FANK1: variants seen among roughly 807,000 people sequenced by gnomAD.
FANK1 encodes the protein fibronectin type III and ankyrin repeat domains 1.
A neutral mutation model predicts 45.3 loss-of-function variants in FANK1; 44 were observed. That is an observed-to-expected ratio of 0.97 (90% CI 0.76 to 1.25). The LOEUF (loss-of-function observed/expected upper bound fraction) is 1.25. Among genes scored for constraint, FANK1 ranks in the 50% most tolerant of loss-of-function variants. FANK1 has a pLI of 0.00. For missense variants in FANK1, 391 were observed against 424.4 expected, an observed-to-expected ratio of 0.92 and a Z score of 0.69; for synonymous variants, 149 against 152.5, an observed-to-expected ratio of 0.98 and a Z score of 0.17.
At chr10:125,916,908 G>A (rs1052772949) in intron 1 of FANK1, among the ~76,000 whole-genome samples, 1 of 152,184 alleles carries the variant, frequency 6.6e-6, no homozygotes, top group African/African-American at 2.4e-5. Flanking sequence ...TGTCCCTGGA[G>A]GAAGGAACAT....
At position 125,995,447 on chromosome 10, in the gene FANK1, G is replaced by A. The variant is rs202054807; in HGVS notation, c.347G>A (p.Arg116Gln). The part of the protein sequence containing the change: ...REPISSEHLH[R>Q]AVSVNDEDLL... ...CCCATAAGTAGTGAGCACTTGCACC[G>A]GGCTGTCAGTGTGAATGATGAAGAT... The change falls in exon 4 of 11, where the codon CGG becomes CAG. Residue 116 changes from arginine (R) to glutamine (Q), a missense_variant. Coordinates refer to ENST00000368693, the MANE Select transcript of FANK1 (RefSeq NM_145235.5). 184 of 1,614,156 alleles carry A rather than the reference G, an allele frequency of 1.1e-4. No homozygotes were observed. Among genetic ancestry groups the A allele is most frequent in the East Asian group, 1.8e-4 (8 of 44,880 alleles).
chr10:125,960,227 A>C, intron 1 of FANK1: 1 of 289,844 alleles, frequency 3.5e-6, no homozygotes, highest in South Asian at 3.6e-5. Flanking sequence ...TCTGGACTCC[A>C]GGAGGGGGGT....
intron 1 of FANK1, among the ~76,000 whole-genome samples, chr10:125,923,295 CAAA>C (rs138311285): frequency 6.8e-6 from 1 of 146,740 alleles, no homozygotes; most frequent in Non-Finnish European, 1.5e-5. Flanking sequence ...TCCATCTCTG[CAAA>C]AAAAAAATAA....
At chr10:125,947,411 G>A (rs1948885954) in intron 1 of FANK1, among the ~76,000 whole-genome samples, 1 of 149,690 alleles carries the variant, frequency 6.7e-6, no homozygotes, top group African/African-American at 2.5e-5. Context: ...ATAAAAGGAT[G>A]GAGGAAGATC....
At chr10:125,969,148 T>C (rs1950342277) in intron 1 of FANK1, among the ~76,000 whole-genome samples, 1 of 152,166 alleles carries the variant, frequency 6.6e-6, no homozygotes. Flanking sequence ...ATATTTGTCA[T>C]GATGAAAAGA....
rs76382138 is a variant in FANK1 at position 125,953,763 on chromosome 10, G to T, written c.14-26398G>T. 1.8e-4 allele frequency among the ~76,000 whole-genome samples: 27 copies of T among 152,234 alleles called. No homozygotes were observed. The East Asian group carries it at 5.0e-3, about 28-fold the overall frequency. Reference sequence around the variant, plus strand: ...CAGATGCTGAAGTCAGACAGAGTTGGGTTCAGGTCCTGGCCCTGCCCCTCC... The same window carrying T: ...CAGATGCTGAAGTCAGACAGAGTTGTGTTCAGGTCCTGGCCCTGCCCCTCC... On this transcript the variant is annotated intron_variant, in intron 1 of 10. Transcript: ENST00000368693.
Position 125,997,408 on chromosome 10 carries a change from T to C in FANK1, c.474-12T>C. 1 of 1,612,842 alleles carries C rather than the reference T, an allele frequency of 6.2e-7. No homozygotes were observed. Among genetic ancestry groups the C allele is most frequent in the Non-Finnish European group, 8.5e-7 (1 of 1,179,356 alleles). ...TGACTTATCTAGCTACACTTAAGTTTGTTTCCTTTAGGCTTGTGAAAATCC... is the reference window on the plus strand; with the variant it reads ...TGACTTATCTAGCTACACTTAAGTTCGTTTCCTTTAGGCTTGTGAAAATCC... On this transcript the variant is annotated splice_polypyrimidine_tract_variant and intron_variant, in intron 5 of 10. Coordinates refer to ENST00000368693, the MANE Select transcript of FANK1 (RefSeq NM_145235.5).
At chr10:126,006,045 G>T (rs1953171120) in intron 7 of FANK1, among the ~76,000 whole-genome samples, 1 of 152,212 alleles carries the variant, frequency 6.6e-6, no homozygotes, top group Non-Finnish European at 1.5e-5. Context: ...TTTATTTCAA[G>T]ACTTTGAAGA....
At chr10:125,995,303 A>G in intron 3 of FANK1, 114 bp from the exon 4 acceptor site, 1 of 891,414 alleles carries the variant, frequency 1.1e-6, no homozygotes, top group Non-Finnish European at 1.8e-6. Context: ...ACTTAACAGG[A>G]ATAGCCAAGC....
At chr10:125,987,512 A>AG (rs2134209232) in intron 2 of FANK1, among the ~76,000 whole-genome samples, 1 of 141,100 alleles carries the variant, frequency 7.1e-6, no homozygotes, top group Non-Finnish European at 1.5e-5. Flanking sequence ...GCAGGAAAGA[A>AG]GAAAGAGCTG....
At chr10:125,938,787 A>T (rs1948265335) in intron 1 of FANK1, among the ~76,000 whole-genome samples, 2 of 152,092 alleles carry the variant, frequency 1.3e-5, no homozygotes, top group South Asian at 4.2e-4. Context: ...CCAGTCTGGG[A>T]GACAGTGACA....
At chr10:125,999,264 A>T (rs1337042167) in intron 6 of FANK1, among the ~76,000 whole-genome samples, 1 of 142,766 alleles carries the variant, frequency 7.0e-6, no homozygotes, top group Non-Finnish European at 1.5e-5. Context: ...CAGTGGCGCG[A>T]TCTCAGCCCA....
chr10:125,948,889 A>T (rs1405743356), intron 1 of FANK1, among the ~76,000 whole-genome samples: 1 of 148,456 alleles, frequency 6.7e-6, no homozygotes, highest in East Asian at 2.0e-4. Context: ...GGCAAAACGA[A>T]TCCAGCAGCA....
chr10:125,934,301 GT>G (rs1947933678), intron 1 of FANK1, among the ~76,000 whole-genome samples: 1 of 152,128 alleles, frequency 6.6e-6, no homozygotes, highest in South Asian at 2.1e-4. Context: ...GATAGTTTGC[GT>G]TTTATTACTT....
intron 1 of FANK1, among the ~76,000 whole-genome samples, chr10:125,953,589 C>A (rs1015740751): frequency 3.9e-5 from 6 of 152,176 alleles, no homozygotes; most frequent in African/African-American, 1.4e-4. Flanking sequence ...CTGGGCCCTA[C>A]AAAGTGAGCA....
intron 1 of FANK1, among the ~76,000 whole-genome samples, chr10:125,898,139 A>G (rs1481959459): frequency 6.6e-6 from 1 of 151,484 alleles, no homozygotes; most frequent in African/African-American, 2.4e-5. Context: ...GTGAGGCCAG[A>G]TTGCACCGCT....
intron 1 of FANK1, among the ~76,000 whole-genome samples, chr10:125,970,851 C>T (rs143578646): frequency 1.3e-5 from 2 of 151,932 alleles, no homozygotes; most frequent in South Asian, 2.1e-4. Flanking sequence ...AAGCAGGAGA[C>T]GGGAGAGGGA....
chr10:125,945,470 G>C (rs868183272), intron 1 of FANK1, among the ~76,000 whole-genome samples: 12 of 152,192 alleles, frequency 7.9e-5, no homozygotes, highest in Non-Finnish European at 1.8e-4. Flanking sequence ...TTCCCTTTCC[G>C]AGTCAAAGAA....
At chr10:125,966,414 TC>T (rs1233526656) in intron 1 of FANK1, among the ~76,000 whole-genome samples, 1 of 152,144 alleles carries the variant, frequency 6.6e-6, no homozygotes, top group East Asian at 1.9e-4. Flanking sequence ...GAACACGTCT[TC>T]CTGTAGGCTC....
Sources: gnomAD v4.1 joint callset for allele counts (sites outside exome capture counted in the v4.1 genomes callset) on GRCh38, gnomAD v4.1.1 for gene constraint, MANE v1.5 for transcripts, NCBI Gene and HGNC (gene_info 2026-07-23, HGNC 2026-07-21) for gene names.